Variants in FRY observed in about 807,000 individuals in gnomAD.
FRY encodes protein furry homolog.
FRY carries 128 observed loss-of-function variants against 348.4 expected under a neutral mutation model. The observed-to-expected ratio is 0.37, with a 90% CI of 0.32 to 0.43. FRY has a LOEUF of 0.43. Among genes scored for constraint, FRY ranks in the 20% least tolerant of loss-of-function variants. FRY has a pLI of 1.00. For synonymous variants in FRY, 1,370 were observed against 1,374.7 expected (o/e 1.00, Z 0.08); for missense variants, 2,736 against 3,695.2 (o/e 0.74, Z 6.73).
chr13:32,295,203 A>C lies in FRY; in HGVS notation c.8785A>C (p.Ser2929Arg). ...CTGTGCTGTTCTTTTTGACTGCAGA[A>C]GTCTGTGGCCCAATGACATCTTTGG... ...KALRQIRECR[S>R]LWPNDIFGSS... is the part of the protein sequence containing the mutation. The change falls in exon 61 of 61, where the codon AGT (serine) becomes CGT (arginine). Residue 2929 changes from serine to arginine, a missense_variant and splice_region_variant. Coordinates refer to ENST00000542859, the MANE Select transcript of FRY (RefSeq NM_023037.3). 1.2e-6 allele frequency: 2 copies of C among 1,613,980 alleles called. No individual in the cohort carries two copies. Among genetic ancestry groups the C allele is most frequent in the Non-Finnish European group, 1.7e-6 (2 of 1,179,914 alleles).
rs781259177 is a variant in FRY at position 32,276,556 on chromosome 13, A to C, written c.8379A>C (p.Thr2793=). 12 of 1,538,208 alleles carry C rather than the reference A, an allele frequency of 7.8e-6. No homozygotes were observed. Among genetic ancestry groups the C allele is most frequent in the Non-Finnish European group, 1.1e-5 (12 of 1,110,876 alleles). ...LDTYNNRKEA[T]LSWLANCKAT... is the part of the protein sequence containing the mutation. ...CCTACAACAACAGGAAAGAGGCCAC[A>C]CTCTCTGTAAGCTTTTGTGTTTCTA... Residue 2793 remains threonine, a synonymous_variant, in exon 57 of 61, where the codon ACA becomes ACC. Coordinates refer to ENST00000542859, the MANE Select transcript of FRY (RefSeq NM_023037.3).
intron 51 of FRY, among the ~76,000 whole-genome samples, chr13:32,254,854 T>C (rs916034301): frequency 6.6e-6 from 1 of 152,210 alleles, no homozygotes; most frequent in Non-Finnish European, 1.5e-5. Flanking sequence ...TCAAACATTT[T>C]TGTGCTTGAT....
At chr13:32,090,159 T>C (rs1468323122) in intron 2 of FRY, among the ~76,000 whole-genome samples, 1 of 151,526 alleles carries the variant, frequency 6.6e-6, no homozygotes, top group Non-Finnish European at 1.5e-5. Context: ...CCATCCTGGC[T>C]AACACGGTGG....
At chr13:32,103,663 G>GA (rs897335116) in intron 3 of FRY, among the ~76,000 whole-genome samples, 13 of 150,732 alleles carry the variant, frequency 8.6e-5, no homozygotes, top group East Asian at 1.9e-4. Flanking sequence ...AGTATAATAA[G>GA]AAAAAAAAAG....
In FRY at chr13:32,234,665, A is replaced by G. The variant is rs1886127015; in HGVS notation, c.5619A>G (p.Ile1873Met). 6.2e-7 allele frequency: 1 copy of G among 1,614,000 alleles called. No homozygotes were observed. Among genetic ancestry groups the G allele is most frequent in the Admixed American group, 1.7e-5 (1 of 60,004 alleles). Residue 1873 changes from isoleucine (I) to methionine (M), a missense_variant, in exon 42 of 61, where the codon ATA becomes ATG. Ile to Met is a conservative substitution (Grantham distance 10, BLOSUM62 1). Coordinates refer to ENST00000542859, the MANE Select transcript of FRY (RefSeq NM_023037.3). ...SRHYAGRSFQ[I>M]FRALKQPLSA... ...ACTATGCTGGTCGGTCCTTCCAGAT[A>G]TTCCGGGCCCTCAAGCAACCTCTGT...
Position 32,295,553 on chromosome 13 carries a change from G to A in FRY, c.*93G>A, listed in dbSNP as rs1265477671. On this transcript the variant is annotated 3_prime_UTR_variant, in exon 61 of 61. Transcript: ENST00000542859. ...TGTCTTCTCGGCCTTCAAAAGGCTTGGACAGACTGTTCTCCCTCTTGTTAC... is the reference window on the plus strand; with the variant it reads ...TGTCTTCTCGGCCTTCAAAAGGCTTAGACAGACTGTTCTCCCTCTTGTTAC... The A allele has an allele frequency of 9.0e-6, 11 of 1,215,996 alleles. No individual in the cohort carries two copies. Among genetic ancestry groups the A allele is most frequent in the Admixed American group, 5.1e-5 (3 of 58,362 alleles). The allele number at this position is 1,215,996 out of a possible 1,614,324, so 75.3% of individuals were successfully genotyped here. A position where few individuals can be genotyped will look rare whatever the true frequency, so the allele number is the denominator to read the frequency against.
chr13:32,086,401 CTA>C (rs1875863551), intron 2 of FRY, among the ~76,000 whole-genome samples: 3 of 152,220 alleles, frequency 2.0e-5, no homozygotes, highest in South Asian at 2.1e-4. Context: ...CATTTTCACT[CTA>C]GTGTATAAAA....
At chr13:32,146,321 GTTGT>G (rs1429056502) in intron 11 of FRY, among the ~76,000 whole-genome samples, 1 of 151,998 alleles carries the variant, frequency 6.6e-6, no homozygotes, top group East Asian at 1.9e-4. Context: ...TTTTGTTGTT[GTTGT>G]TTGTTTTTGT....
chr13:32,059,527 A>G (rs1236255325), intron 1 of FRY, among the ~76,000 whole-genome samples: 2 of 136,168 alleles, frequency 1.5e-5, no homozygotes, highest in Admixed American at 8.1e-5. Context: ...GCAGAATTCC[A>G]TTTTCTTTTT....
chr13:32,184,802 C>A, intron 25 of FRY, 111 bp downstream of exon 25: 2 of 986,218 alleles, frequency 2.0e-6, no homozygotes, highest in Non-Finnish European at 3.2e-6. Context: ...ATACCCTTAA[C>A]TTAGAAAAAT....
intron 48 of FRY, 148 bp from the exon 49 acceptor site, chr13:32,249,378 G>A: frequency 5.1e-6 from 4 of 789,318 alleles, no homozygotes; most frequent in East Asian, 2.7e-5. Context: ...GTACTTGCAT[G>A]TTGAGAAAAT....
intron 60 of FRY, among the ~76,000 whole-genome samples, chr13:32,294,782 A>G (rs1037726031): frequency 1.3e-5 from 2 of 152,202 alleles, no homozygotes; most frequent in Non-Finnish European, 2.9e-5. Flanking sequence ...CGTCCCTAAA[A>G]TGACAAAATG....
intron 3 of FRY, among the ~76,000 whole-genome samples, chr13:32,102,812 C>T (rs1200263838): frequency 6.6e-6 from 1 of 152,120 alleles, no homozygotes; most frequent in East Asian, 1.9e-4. Flanking sequence ...TAAACTTTTG[C>T]AGTTAATGAC....
intron 2 of FRY, among the ~76,000 whole-genome samples, chr13:32,099,024 G>C (rs1876970354): frequency 6.6e-6 from 1 of 151,844 alleles, no homozygotes; most frequent in Non-Finnish European, 1.5e-5. Flanking sequence ...GGCAGGGGTG[G>C]GGCTTGTATA....
rs760586903 is a variant in FRY at position 32,295,483 on chromosome 13, G to A, written c.*23G>A. Reference sequence around the variant, plus strand: ...TGACAGGAGCCTCCTGTCCCCACTGGGTTCCAAACTGGCAGTGCTGCCATG... The same window carrying A: ...TGACAGGAGCCTCCTGTCCCCACTGAGTTCCAAACTGGCAGTGCTGCCATG... On this transcript the variant is annotated 3_prime_UTR_variant, in exon 61 of 61. Transcript: ENST00000542859. 7.5e-6 allele frequency: 12 copies of A among 1,607,044 alleles called. No individual in the cohort carries two copies. In the South Asian group the frequency reaches 1.3e-4, roughly 18 times the overall value.
At chr13:32,212,628 G>A (rs903147827) in intron 35 of FRY, among the ~76,000 whole-genome samples, 2 of 152,060 alleles carry the variant, frequency 1.3e-5, no homozygotes, top group Non-Finnish European at 2.9e-5. Context: ...GTGGAATTTC[G>A]CATACCTCAG....
At chr13:32,090,725 T>C (rs1322238530) in intron 2 of FRY, among the ~76,000 whole-genome samples, 3 of 152,228 alleles carry the variant, frequency 2.0e-5, no homozygotes, top group African/African-American at 7.2e-5. Flanking sequence ...TTTTTTTCTT[T>C]TTTAAAGAAT....
At chr13:32,183,852 TTAGGTCAGGTGCAGTAGCTCA>T (rs1882866940) in intron 24 of FRY, among the ~76,000 whole-genome samples, 1 of 150,424 alleles carries the variant, frequency 6.6e-6, no homozygotes, top group Non-Finnish European at 1.5e-5. Context: ...ATAGCAGAAA[TTAGGTCAGGTGCAGTAGCTCA>T]TGCCTGTAAT....
chr13:32,070,886 G>A (rs1874610350), intron 1 of FRY, among the ~76,000 whole-genome samples: 1 of 152,130 alleles, frequency 6.6e-6, no homozygotes, highest in Admixed American at 6.5e-5. Flanking sequence ...ATTAATTTTT[G>A]TGTAAGGTGT....
Sources: gnomAD v4.1 joint callset for allele counts (sites outside exome capture counted in the v4.1 genomes callset) on GRCh38, gnomAD v4.1.1 for gene constraint, MANE v1.5 for transcripts, NCBI Gene and HGNC (gene_info 2026-07-23, HGNC 2026-07-21) for gene names.